The following SLC13A5 variants were observed in gnomAD, a reference collection of about 807,000 sequenced individuals.
The protein encoded by SLC13A5 is Na(+)/citrate cotransporter.
In SLC13A5, 25 loss-of-function variants were observed where a neutral mutation model predicts 56.5. That is an observed-to-expected ratio of 0.44 (90% CI 0.32 to 0.62). The LOEUF (loss-of-function observed/expected upper bound fraction) is 0.62. Ranked by LOEUF, SLC13A5 falls within the 20% of genes least tolerant of loss-of-function variation. SLC13A5 has a pLI of 0.04. For synonymous variants in SLC13A5, 307 were observed against 301.5 expected, an observed-to-expected ratio of 1.02 and a Z score of -0.19; for missense variants, 649 against 737.8, an observed-to-expected ratio of 0.88 and a Z score of 1.39.
Position 6,692,331 on chromosome 17 carries a change from G to T in SLC13A5, c.1275+713C>A, listed in dbSNP as rs552486370. On this transcript the variant is annotated intron_variant, in intron 9 of 11. Transcript: ENST00000433363. This position sits in a 1 kb window ranked among gnomAD's most constrained non-coding sequence, Gnocchi z 5.5. Reference sequence around the variant, plus strand: ...GACATGAATAGATGCATGGATGATGGATGGAGAGGTGACTAGATGGATGGA... The same window carrying T: ...GACATGAATAGATGCATGGATGATGTATGGAGAGGTGACTAGATGGATGGA... Among the ~76,000 whole-genome samples the T allele has an allele frequency of 1.3e-5, 2 of 152,322 alleles. No individual in the cohort carries two copies. The highest frequency in any genetic ancestry group is 1.3e-4 in the Admixed American group (2 of 15,302).
intron 6 of SLC13A5, among the ~76,000 whole-genome samples, chr17:6,697,544 T>C (rs1208768603): frequency 1.3e-4 from 20 of 152,200 alleles, no homozygotes; most frequent in Non-Finnish European, 1.5e-5. Flanking sequence ...GTGAGGGGCC[T>C]AGGTCAGGGT....
chr17:6,703,516 AG>A (rs1319703549), intron 4 of SLC13A5, among the ~76,000 whole-genome samples: 1 of 152,164 alleles, frequency 6.6e-6, no homozygotes, highest in African/African-American at 2.4e-5. Context: ...GAAGGATTTG[AG>A]CTGCTCGAGG....
rs910270619 is a variant in SLC13A5 at position 6,711,791 on chromosome 17, C to T, written c.102+1441G>A. On this transcript the variant is annotated intron_variant, in intron 1 of 11. Transcript: ENST00000433363. The surrounding 1 kb of genome is among the most constrained non-coding windows in gnomAD (Gnocchi z 4.0). ...CTACTATAATCATTCCAGGGAACATCACTCCCTACCAGCAGAGCTGAAATC... is the reference window on the plus strand; with the variant it reads ...CTACTATAATCATTCCAGGGAACATTACTCCCTACCAGCAGAGCTGAAATC... Among the ~76,000 whole-genome samples the T allele has an allele frequency of 2.6e-5, 4 of 152,100 alleles. No individual in the cohort carries two copies. The highest frequency in any genetic ancestry group is 4.4e-5 in the Non-Finnish European group (3 of 67,978).
chr17:6,703,349 G>T (rs1250738525), intron 4 of SLC13A5, among the ~76,000 whole-genome samples: 2 of 152,232 alleles, frequency 1.3e-5, no homozygotes, highest in African/African-American at 4.8e-5. Flanking sequence ...CAATCAGGCC[G>T]TCAGCCACAG....
At chr17:6,705,497 G>A (rs1973843198) in intron 3 of SLC13A5, 5 of 152,280 alleles carry the variant, frequency 3.3e-5, no homozygotes, top group Admixed American at 2.0e-4. Flanking sequence ...GGGCCCTGAG[G>A]TCCACTTTCC....
intron 6 of SLC13A5, among the ~76,000 whole-genome samples, chr17:6,696,451 T>C (rs1301505941): frequency 2.0e-5 from 3 of 152,016 alleles, no homozygotes; most frequent in Admixed American, 2.0e-4. Flanking sequence ...GGTGCAGGAT[T>C]AGGGATCCAG....
At chr17:6,697,659 G>A (rs2151488983) in intron 6 of SLC13A5, among the ~76,000 whole-genome samples, 2 of 152,326 alleles carry the variant, frequency 1.3e-5, no homozygotes, top group Middle Eastern at 6.8e-3. Context: ...AGAGGGGAGA[G>A]ATTCTTGAGC....
intron 4 of SLC13A5, among the ~76,000 whole-genome samples, chr17:6,703,638 G>A (rs1448431258): frequency 6.6e-6 from 1 of 152,228 alleles, no homozygotes. Flanking sequence ...ACTGATTTCT[G>A]CAACTGATGG....
Position 6,686,286 on chromosome 17 carries a change from G to A in SLC13A5, c.1628C>T (p.Ala543Val). 1.2e-6 allele frequency: 2 copies of A among 1,614,184 alleles called. No individual in the cohort carries two copies. The highest frequency in any genetic ancestry group is 1.7e-6 in the Non-Finnish European group (2 of 1,180,026). Residue 543 changes from alanine to valine, a missense_variant, in exon 12 of 12, where the codon GCT becomes GTT. Physicochemically the swap from Ala to Val is moderately conservative, Grantham distance 64. Coordinates refer to ENST00000433363, the MANE Select transcript of SLC13A5 (RefSeq NM_177550.5). ...NIIGVFCVFL[A>V]VNTWGRAIFD... ...TATGGCCCGTCCCCAGGTGTTGACA[G>A]CCAAAAACACACAGAAGACTCCAAT...
At chr17:6,706,235 G>A (rs1476870862) in intron 3 of SLC13A5, among the ~76,000 whole-genome samples, 1 of 152,152 alleles carries the variant, frequency 6.6e-6, no homozygotes, top group Non-Finnish European at 1.5e-5. Context: ...CTCCAGCTTG[G>A]AGAGAGGACC....
In SLC13A5 at chr17:6,707,030, G is replaced by T. The variant is rs756638508; in HGVS notation, c.229C>A (p.Gln77Lys). Residue 77 changes from glutamine (Q) to lysine (K), a missense_variant and splice_region_variant, in exon 2 of 12, where the codon CAG becomes AAG. Physicochemically the swap from Gln to Lys is moderately conservative, Grantham distance 53. Transcript: ENST00000433363. Reference sequence around the variant, plus strand: ...CAGGATCCCTTGGGTCTGCTCACCTGCCTGGAGTCCAGAATCTGGAAGAGT... The same window carrying T: ...CAGGATCCCTTGGGTCTGCTCACCTTCCTGGAGTCCAGAATCTGGAAGAGT... ...FPLFQILDSR[Q>K]VCVQYMKDTN... 7 of 1,613,764 alleles carry T rather than the reference G, an allele frequency of 4.3e-6. No individual in the cohort carries two copies. In the African/African-American group the frequency reaches 9.3e-5, roughly 22 times the overall value.
At position 6,692,543 on chromosome 17, in the gene SLC13A5, G is replaced by C. The variant is rs1973440578; in HGVS notation, c.1275+501C>G. On this transcript the variant is annotated intron_variant, in intron 9 of 11. Coordinates refer to ENST00000433363, the MANE Select transcript of SLC13A5 (RefSeq NM_177550.5). This position sits in a 1 kb window ranked among gnomAD's most constrained non-coding sequence, Gnocchi z 5.5. ...CTCCCTCTGGCTCATTTCTTCCCCA[G>C]GAGGGAAAGAAGGAGGTAAAGAAAG... 6.6e-6 allele frequency among the ~76,000 whole-genome samples: 1 copy of C among 152,176 alleles called. No individual in the cohort carries two copies. Among genetic ancestry groups the C allele is most frequent in the South Asian group, 2.1e-4 (1 of 4,830 alleles).
Position 6,687,887 on chromosome 17 carries a change from A to T in SLC13A5, c.1438-221T>A. On this transcript the variant is annotated intron_variant, in intron 10 of 11. Coordinates refer to ENST00000433363, the MANE Select transcript of SLC13A5 (RefSeq NM_177550.5). This position sits in a 1 kb window ranked among gnomAD's most constrained non-coding sequence, Gnocchi z 5.0. ...TGCCCTAGAAGGCCTTACCCCCTCA[A>T]TTCATTCGACATGTATTTCTTGGGC... The T allele has an allele frequency of 2.1e-6, 1 of 476,694 alleles. No homozygotes were observed. Among genetic ancestry groups the T allele is most frequent in the Non-Finnish European group, 3.6e-6 (1 of 276,742 alleles). 29.5% of individuals were successfully genotyped at this position (476,694 alleles called of 1,614,324 possible).
intron 1 of SLC13A5, among the ~76,000 whole-genome samples, chr17:6,709,052 A>G (rs1383404573): frequency 6.9e-6 from 1 of 145,672 alleles, no homozygotes; most frequent in Non-Finnish European, 1.5e-5. Flanking sequence ...GTGAAGTGGC[A>G]CGGTCACAGC....
chr17:6,707,025 C>T lies in SLC13A5; in HGVS notation c.231+3G>A, dbSNP rs1166941972. 6.2e-7 allele frequency: 1 copy of T among 1,613,670 alleles called. No homozygotes were observed. The highest frequency in any genetic ancestry group is 8.5e-7 in the Non-Finnish European group (1 of 1,180,002). ...GTCACCAGGATCCCTTGGGTCTGCT[C>T]ACCTGCCTGGAGTCCAGAATCTGGA... On this transcript the variant is annotated splice_donor_region_variant and intron_variant, in intron 2 of 11. Coordinates refer to ENST00000433363, the MANE Select transcript of SLC13A5 (RefSeq NM_177550.5).
At chr17:6,709,902 C>A (rs916487070) in intron 1 of SLC13A5, among the ~76,000 whole-genome samples, 1 of 152,190 alleles carries the variant, frequency 6.6e-6, no homozygotes, top group Non-Finnish European at 1.5e-5. Context: ...GTGTTTAGAG[C>A]ACCGCTGGCC....
chr17:6,700,908 G>C, intron 6 of SLC13A5, 96 bp downstream of exon 6: 1 of 1,555,902 alleles, frequency 6.4e-7, no homozygotes, highest in Non-Finnish European at 8.7e-7. Context: ...GGCCAGACAC[G>C]AAGGACTTTG....
intron 1 of SLC13A5, among the ~76,000 whole-genome samples, chr17:6,708,344 A>G (rs962175770): frequency 2.6e-5 from 4 of 152,146 alleles, no homozygotes; most frequent in Admixed American, 1.3e-4. Context: ...TACCCTCCCC[A>G]GCCATTAGCA....
At chr17:6,710,536 A>C (rs1490307455) in intron 1 of SLC13A5, among the ~76,000 whole-genome samples, 2 of 152,122 alleles carry the variant, frequency 1.3e-5, no homozygotes, top group African/African-American at 2.4e-5. Flanking sequence ...CCACTAGGAA[A>C]GAGGACGAGA....
Sources: gnomAD v4.1 joint callset for allele counts (sites outside exome capture counted in the v4.1 genomes callset) on GRCh38, gnomAD v4.1.1 for gene constraint, Gnocchi (gnomAD v3.1) non-coding constraint, MANE v1.5 for transcripts, NCBI Gene and HGNC (gene_info 2026-07-23, HGNC 2026-07-21) for gene names.